SLC2A4RG: variants seen among roughly 807,000 people sequenced by gnomAD.
The protein encoded by SLC2A4RG is SLC2A4 regulator.
In SLC2A4RG, 23 loss-of-function variants were observed where a neutral mutation model predicts 35.5. The observed-to-expected ratio is 0.65, with a 90% CI of 0.47 to 0.92. The LOEUF is 0.92. Among genes scored for constraint, SLC2A4RG ranks in the 40% least tolerant of loss-of-function variants. SLC2A4RG has a pLI of 0.00. For missense variants in SLC2A4RG, 539 were observed against 525.0 expected (o/e 1.03, Z -0.26); for synonymous variants, 306 against 243.7 (o/e 1.26, Z -2.38).
At chr20:63,740,080 T>A (rs747837920) in intron 1 of SLC2A4RG, 42 bp downstream of exon 1, 4 of 909,552 alleles carry the variant, frequency 4.4e-6, no homozygotes, top group Admixed American at 1.3e-4. Flanking sequence ...CAAGTTTCTC[T>A]CGCTGCAAAG....
chr20:63,742,228 G>C lies in SLC2A4RG; in HGVS notation c.678G>C (p.Leu226=). 6.3e-7 allele frequency: 1 copy of C among 1,590,758 alleles called. No homozygotes were observed. Among genetic ancestry groups the C allele is most frequent in the Non-Finnish European group, 8.6e-7 (1 of 1,168,828 alleles). Residue 226 remains leucine (L), a splice_region_variant and synonymous_variant, in exon 5 of 8, where the codon CTG becomes CTC. Transcript: ENST00000266077. ...AGAGACACATCCGCCTGGTGCACCT[G>C]GGGTGCGGCGGGGCCTGGGGTGCGG... ...AMQRHIRLVH[L]GRQAEPEQSD... is the part of the protein sequence containing the mutation.
chr20:63,742,274 G>T (rs766671486), intron 5 of SLC2A4RG, 44 bp downstream of exon 5: 1 of 1,595,096 alleles, frequency 6.3e-7, no homozygotes, highest in Non-Finnish European at 8.5e-7. Flanking sequence ...GGGTTGGCTG[G>T]GGTTGTGAGG....
Position 63,743,274 on chromosome 20 carries a change from T to G in SLC2A4RG, c.*284T>G. 1.4e-5 allele frequency: 4 copies of G among 286,688 alleles called. No individual in the cohort carries two copies. Among genetic ancestry groups the G allele is most frequent in the East Asian group, 6.3e-5 (1 of 15,792 alleles). The allele number at this position is 286,688 out of a possible 1,614,324, so 17.8% of individuals were successfully genotyped here. A position where few individuals can be genotyped will look rare whatever the true frequency, so the allele number is the denominator to read the frequency against. ...CCAAGGGCCCTGGGGGCAGCCACCC[T>G]CCCGCCTGTCGGCCCGTAGATTTAT... is the stretch of plus-strand genomic sequence containing the variant. On this transcript the variant is annotated 3_prime_UTR_variant, in exon 8 of 8. Coordinates refer to ENST00000266077, the MANE Select transcript of SLC2A4RG (RefSeq NM_020062.4).
chr20:63,742,208 C>T lies in SLC2A4RG; in HGVS notation c.658C>T (p.His220Tyr). The T allele has an allele frequency of 1.9e-6, 3 of 1,597,866 alleles. No individual in the cohort carries two copies. Among genetic ancestry groups the T allele is most frequent in the Non-Finnish European group, 1.7e-6 (2 of 1,172,732 alleles). The change falls in exon 5 of 8, where the codon CAC becomes TAC. Residue 220 changes from histidine (H) to tyrosine (Y), a missense_variant. His to Tyr is a moderately conservative substitution (Grantham distance 83, BLOSUM62 2). Transcript: ENST00000266077. ...GAGCACGGCGTCGGCGATGCAGAGA[C>T]ACATCCGCCTGGTGCACCTGGGGTG... Reference protein sequence around the residue: ...VLSTASAMQRHIRLVHLGRQA... With the variant: ...VLSTASAMQRYIRLVHLGRQA...
Position 63,743,108 on chromosome 20 carries a change from G to T in SLC2A4RG, c.*118G>T. The T allele has an allele frequency of 6.6e-6, 1 of 152,476 alleles. No individual in the cohort carries two copies. The highest frequency in any genetic ancestry group is 1.3e-5 in the Non-Finnish European group (1 of 78,444). The allele number at this position is 152,476 out of a possible 1,614,324, so 9.4% of individuals were successfully genotyped here. On this transcript the variant is annotated 3_prime_UTR_variant, in exon 8 of 8. Transcript: ENST00000266077. ...CTGGCTTTCACCAGCTGCAGGGTCTGCTTTTACTTGGGGTGGGGGGGCGGG... is the reference window on the plus strand; with the variant it reads ...CTGGCTTTCACCAGCTGCAGGGTCTTCTTTTACTTGGGGTGGGGGGGCGGG...
In SLC2A4RG at chr20:63,742,013, C is replaced by T; in HGVS notation, c.536C>T (p.Ala179Val). 2 of 1,612,816 alleles carry T rather than the reference C, an allele frequency of 1.2e-6. No individual in the cohort carries two copies. The highest frequency in any genetic ancestry group is 1.7e-6 in the Non-Finnish European group (2 of 1,179,614). The stretch of plus-strand genomic sequence containing the variant: ...CCGTCACCCCCACTGCCCCCCGAGG[C>T]AGCCCACTTTCTGTTTGGGGAGCCC... ...STPSPPLPPE[A>V]AHFLFGEPTL... Residue 179 changes from alanine to valine, a missense_variant, in exon 4 of 8, where the codon GCA (alanine) becomes GTA (valine). Physicochemically the swap from Ala to Val is moderately conservative, Grantham distance 64. Transcript: ENST00000266077.
chr20:63,739,807 C>T lies in SLC2A4RG; in HGVS notation c.-106C>T, dbSNP rs2092032455. On this transcript the variant is annotated 5_prime_UTR_variant, in exon 1 of 8. Transcript: ENST00000266077. ...CGGGCGGCGCGGCGCGGGCGGCGGC[C>T]GGATCCAGGGCGGGGGTCGGCGGCC... 3.1e-6 allele frequency: 3 copies of T among 964,304 alleles called. No homozygotes were observed. The highest frequency in any genetic ancestry group is 2.5e-6 in the Non-Finnish European group (2 of 816,034). 59.7% of individuals were successfully genotyped at this position (964,304 alleles called of 1,614,324 possible).
chr20:63,742,091 T>C, intron 4 of SLC2A4RG, 35 bp downstream of exon 4: 1 of 1,604,820 alleles, frequency 6.2e-7, no homozygotes, highest in Non-Finnish European at 8.5e-7. Context: ...GAGGGGCGGG[T>C]GTGGCGGCTG....
At chr20:63,741,207 G>C (rs2092039799) in intron 2 of SLC2A4RG, 163 bp from the exon 3 acceptor site, 2 of 653,276 alleles carry the variant, frequency 3.1e-6, no homozygotes, top group Non-Finnish European at 5.2e-6. Flanking sequence ...GTGGCTTTCA[G>C]CTCTCTCTGC....
Position 63,740,542 on chromosome 20 carries a change from G to A in SLC2A4RG, c.281+11G>A. ...CGTCCCAGCGCAGAGGTGAGCGGGA[G>A]GCCCGGTGCCTCGGGACTCGGTGTG... is the stretch of plus-strand genomic sequence containing the variant. On this transcript the variant is annotated intron_variant, in intron 2 of 7. Coordinates refer to ENST00000266077, the MANE Select transcript of SLC2A4RG (RefSeq NM_020062.4). 8.1e-7 allele frequency: 1 copy of A among 1,229,022 alleles called. No homozygotes were observed. The highest frequency in any genetic ancestry group is 1.0e-6 in the Non-Finnish European group (1 of 985,932). 76.1% of individuals were successfully genotyped at this position (1,229,022 alleles called of 1,614,324 possible).
chr20:63,740,332 C>A, intron 1 of SLC2A4RG, 45 bp from the exon 2 acceptor site: 2 of 1,196,574 alleles, frequency 1.7e-6, no homozygotes, highest in South Asian at 4.2e-5. Context: ...GACCCCCCTC[C>A]CCCGGCCACC....
chr20:63,743,261 G>C lies in SLC2A4RG; in HGVS notation c.*271G>C. The C allele has an allele frequency of 3.0e-6, 1 of 330,260 alleles. No homozygotes were observed. 20.5% of individuals were successfully genotyped at this position (330,260 alleles called of 1,614,324 possible). A position where few individuals can be genotyped will look rare whatever the true frequency, so the allele number is the denominator to read the frequency against. On this transcript the variant is annotated 3_prime_UTR_variant, in exon 8 of 8. Coordinates refer to ENST00000266077, the MANE Select transcript of SLC2A4RG (RefSeq NM_020062.4). Reference sequence around the variant, plus strand: ...TGTCCCCTTAGCCCCAAGGGCCCTGGGGGCAGCCACCCTCCCGCCTGTCGG... The same window carrying C: ...TGTCCCCTTAGCCCCAAGGGCCCTGCGGGCAGCCACCCTCCCGCCTGTCGG...
At position 63,742,346 on chromosome 20, in the gene SLC2A4RG, G is replaced by A. The variant is rs1335188041; in HGVS notation, c.691G>A (p.Glu231Lys). ...CTGTGTCTCCCGCAGGAGGCAGGCA[G>A]AGCCTGAGCAGAGTGATGGTGAGGA... ...IRLVHLGRQA[E>K]PEQSDGEEDF... Residue 231 changes from glutamate (E) to lysine (K), a missense_variant, in exon 6 of 8, where the codon GAG (glutamate) becomes AAG (lysine). Physicochemically the swap from Glu to Lys is moderately conservative, Grantham distance 56. Transcript: ENST00000266077. 2 of 1,608,642 alleles carry A rather than the reference G, an allele frequency of 1.2e-6. No individual in the cohort carries two copies. Among genetic ancestry groups the A allele is most frequent in the Non-Finnish European group, 1.7e-6 (2 of 1,177,370 alleles).
At position 63,741,442 on chromosome 20, in the gene SLC2A4RG, T is replaced by C. The variant is rs1340612379; in HGVS notation, c.354T>C (p.Pro118=). ...AAALTSLSTS[P]LLLGAPVAAF... Reference sequence around the variant, plus strand: ...CCCTTACAAGCCTGTCCACCAGCCCTCTCCTTCTGGGGGCCCCGGTTGCAG... The same window carrying C: ...CCCTTACAAGCCTGTCCACCAGCCCCCTCCTTCTGGGGGCCCCGGTTGCAG... The change falls in exon 3 of 8, where the codon CCT becomes CCC. Residue 118 remains proline (P), a synonymous_variant. Transcript: ENST00000266077. 1 of 1,613,396 alleles carries C rather than the reference T, an allele frequency of 6.2e-7. No individual in the cohort carries two copies. The highest frequency in any genetic ancestry group is 1.7e-5 in the Admixed American group (1 of 60,000).
At position 63,739,979 on chromosome 20, in the gene SLC2A4RG, C is replaced by G; in HGVS notation, c.67C>G (p.Leu23Val). 1 of 980,590 alleles carries G rather than the reference C, an allele frequency of 1.0e-6. No homozygotes were observed. Among genetic ancestry groups the G allele is most frequent in the Non-Finnish European group, 1.2e-6 (1 of 828,252 alleles). The allele number at this position is 980,590 out of a possible 1,614,324, so 60.7% of individuals were successfully genotyped here. A position where few individuals can be genotyped will look rare whatever the true frequency, so the allele number is the denominator to read the frequency against. ...TGCGCTGCGGGCCGAGGCGCCGTGG[C>G]TGCGCGCGGAGGGTCCGGGGCCGCG... ...PSALRAEAPWLRAEGPGPRAA... is the reference protein window; with the variant it reads ...PSALRAEAPWVRAEGPGPRAA... Residue 23 changes from leucine to valine, a missense_variant, in exon 1 of 8, where the codon CTG (leucine) becomes GTG (valine). Physicochemically the swap from Leu to Val is conservative, Grantham distance 32. Coordinates refer to ENST00000266077, the MANE Select transcript of SLC2A4RG (RefSeq NM_020062.4).
Position 63,742,413 on chromosome 20 carries a change from T to G in SLC2A4RG, c.758T>G (p.Leu253Arg). The G allele has an allele frequency of 6.2e-7, 1 of 1,610,578 alleles. No individual in the cohort carries two copies. The highest frequency in any genetic ancestry group is 8.5e-7 in the Non-Finnish European group (1 of 1,179,110). Residue 253 changes from leucine (L) to arginine (R), a missense_variant, in exon 6 of 8, where the codon CTG (leucine) becomes CGG (arginine). Physicochemically the swap from Leu to Arg is moderately radical, Grantham distance 102. Transcript: ENST00000266077. ...YTELDVGVDT[L>R]TDGLSSLTPV... Reference sequence around the variant, plus strand: ...GAGCTGGATGTTGGTGTGGACACGCTGACCGACGGGCTGTCCAGCCTGACT... The same window carrying G: ...GAGCTGGATGTTGGTGTGGACACGCGGACCGACGGGCTGTCCAGCCTGACT...
At position 63,742,548 on chromosome 20, in the gene SLC2A4RG, T is replaced by C. The variant is rs749550960; in HGVS notation, c.893T>C (p.Leu298Pro). 49 of 1,524,042 alleles carry C rather than the reference T, an allele frequency of 3.2e-5. 1 individual carries two copies. The South Asian group carries it at 4.8e-4, about 15-fold the overall frequency. 94.4% of individuals were successfully genotyped at this position (1,524,042 alleles called of 1,614,324 possible). A position where few individuals can be genotyped will look rare whatever the true frequency, so the allele number is the denominator to read the frequency against. ...CCCCTGCGGCCGCCTGCCCCGCCCC[T>C]GCCCCCGCCCCCTGTCCTGAGCACC... ...PSPLRPPAPP[L>P]PPPPVLSTVA... Residue 298 changes from leucine to proline, a missense_variant, in exon 6 of 8, where the codon CTG (leucine) becomes CCG (proline). Transcript: ENST00000266077.
chr20:63,739,884 C>T lies in SLC2A4RG; in HGVS notation c.-29C>T. Reference sequence around the variant, plus strand: ...GCGTCCTGAGAGTCAGCCCTCGCCGCTGCAGCCTCGGCGCCCGGCCGGCCG... The same window carrying T: ...GCGTCCTGAGAGTCAGCCCTCGCCGTTGCAGCCTCGGCGCCCGGCCGGCCG... On this transcript the variant is annotated 5_prime_UTR_variant, in exon 1 of 8. Transcript: ENST00000266077. 2 of 978,854 alleles carry T rather than the reference C, an allele frequency of 2.0e-6. No individual in the cohort carries two copies. Among genetic ancestry groups the T allele is most frequent in the Non-Finnish European group, 2.4e-6 (2 of 827,848 alleles). The allele number at this position is 978,854 out of a possible 1,614,324, so 60.6% of individuals were successfully genotyped here.
intron 3 of SLC2A4RG, 145 bp downstream of exon 3, chr20:63,741,624 T>A: frequency 9.0e-7 from 1 of 1,114,478 alleles, no homozygotes; most frequent in Non-Finnish European, 1.3e-6. Context: ...TGCCCCCTAC[T>A]GAGGCCAAAG....
Sources: allele counts gnomAD v4.1 joint callset, GRCh38; gene constraint gnomAD v4.1.1; transcripts MANE v1.5; gene names NCBI Gene and HGNC (gene_info 2026-07-23, HGNC 2026-07-21).